Variants in FAM227B observed in about 807,000 individuals in gnomAD.
The protein encoded by FAM227B is protein FAM227B.
FAM227B carries 88 observed loss-of-function variants against 73.8 expected under a neutral mutation model. That is an observed-to-expected ratio of 1.19 (90% confidence interval 1.00 to 1.42). The LOEUF is 1.42. Among genes scored for constraint, FAM227B ranks in the 40% most tolerant of loss-of-function variants. The pLI is 0.00. For synonymous variants in FAM227B, 210 were observed against 190.5 expected (o/e 1.10, Z -0.84); for missense variants, 632 against 590.9 (o/e 1.07, Z -0.72).
At chr15:49,446,475 T>G (rs2052225600) in intron 11 of FAM227B, among the ~76,000 whole-genome samples, 1 of 151,688 alleles carries the variant, frequency 6.6e-6, no homozygotes, top group East Asian at 1.9e-4. Context: ...ATAAGGAGAC[T>G]GAAAGAGAAT....
chr15:49,616,813 T>C (rs757454483), intron 1 of FAM227B, among the ~76,000 whole-genome samples: 2 of 152,348 alleles, frequency 1.3e-5, no homozygotes, highest in East Asian at 3.9e-4. Context: ...AGTATTTTGA[T>C]ATAAATATTT....
intron 11 of FAM227B, among the ~76,000 whole-genome samples, chr15:49,469,666 G>A (rs1443823123): frequency 6.6e-6 from 1 of 152,072 alleles, no homozygotes; most frequent in Non-Finnish European, 1.5e-5. Context: ...CAGACAAAAA[G>A]TAGCCAAGGA....
intron 5 of FAM227B, among the ~76,000 whole-genome samples, chr15:49,585,630 G>A (rs2076106231): frequency 6.6e-6 from 1 of 152,014 alleles, no homozygotes; most frequent in African/African-American, 2.4e-5. Flanking sequence ...CTTATAGGTG[G>A]GAATTGAACA....
At chr15:49,408,903 C>G (rs1039159421) in intron 11 of FAM227B, among the ~76,000 whole-genome samples, 3 of 151,972 alleles carry the variant, frequency 2.0e-5, no homozygotes, top group Non-Finnish European at 4.4e-5. Context: ...GAGTCTGATA[C>G]ATAGTAGGAG....
At chr15:49,604,597 A>G (rs1328842796) in intron 3 of FAM227B, among the ~76,000 whole-genome samples, 1 of 151,828 alleles carries the variant, frequency 6.6e-6, no homozygotes, top group Non-Finnish European at 1.5e-5. Flanking sequence ...TGCTCTCTCA[A>G]TTTAGGAATA....
chr15:49,475,119 A>G (rs1432258254), intron 11 of FAM227B, among the ~76,000 whole-genome samples: 1 of 152,174 alleles, frequency 6.6e-6, no homozygotes, highest in East Asian at 1.9e-4. Context: ...GATCAGTTTG[A>G]TTAATTTTTT....
At chr15:49,398,427 TAGAC>T in intron 11 of FAM227B, among the ~76,000 whole-genome samples, 1 of 128,980 alleles carries the variant, frequency 7.8e-6, no homozygotes. Context: ...CTGTCAACAT[TAGAC>T]AGATCAACGA....
At chr15:49,602,998 G>A (rs981371953) in intron 3 of FAM227B, among the ~76,000 whole-genome samples, 1 of 152,080 alleles carries the variant, frequency 6.6e-6, no homozygotes, top group Non-Finnish European at 1.5e-5. Context: ...TTTGTTCCAT[G>A]GGTGTATATG....
chr15:49,358,696 C>G (rs988125871), intron 13 of FAM227B, among the ~76,000 whole-genome samples: 1 of 150,996 alleles, frequency 6.6e-6, no homozygotes, highest in Non-Finnish European at 1.5e-5. Flanking sequence ...CCATCCCCAT[C>G]AAGCTACCAA....
chr15:49,374,469 T>C (rs141620902), intron 11 of FAM227B, among the ~76,000 whole-genome samples: 1 of 152,316 alleles, frequency 6.6e-6, no homozygotes, highest in East Asian at 1.9e-4. Context: ...GCAAAATGTA[T>C]GTGATCTTAG....
chr15:49,423,951 T>C (rs1359734068), intron 11 of FAM227B: 1 of 214,902 alleles, frequency 4.7e-6, no homozygotes, highest in East Asian at 1.0e-4. Flanking sequence ...ATGCTACTAC[T>C]TACCCACTAA....
At chr15:49,554,355 G>C (rs767660955) in intron 9 of FAM227B, among the ~76,000 whole-genome samples, 8 of 152,140 alleles carry the variant, frequency 5.3e-5, no homozygotes, top group Non-Finnish European at 8.8e-5. Flanking sequence ...TCTGGACCTC[G>C]TTCAGTAATA....
chr15:49,500,836 G>A (rs7162351), intron 11 of FAM227B, among the ~76,000 whole-genome samples: 49,359 of 151,956 alleles, frequency 0.32, 8,748 homozygotes, highest in African/African-American at 0.45. Flanking sequence ...TCCCTTGGTG[G>A]TAAGTGAGCT....
chr15:49,461,789 G>T (rs1157841993), intron 11 of FAM227B, among the ~76,000 whole-genome samples: 1 of 152,088 alleles, frequency 6.6e-6, no homozygotes, highest in East Asian at 1.9e-4. Context: ...GCTAATTATG[G>T]TACTGATTTA....
At chr15:49,611,298 G>A in intron 2 of FAM227B, 30 bp from the exon 3 acceptor site, 2 of 1,260,970 alleles carry the variant, frequency 1.6e-6, no homozygotes, top group South Asian at 1.3e-5. Flanking sequence ...ATTGTTCATT[G>A]GCATAAACTC....
At chr15:49,577,264 T>C in intron 6 of FAM227B, 1 of 352,018 alleles carries the variant, frequency 2.8e-6, no homozygotes, top group East Asian at 9.6e-5. Context: ...GCCACTGCAC[T>C]CCAGCCTGGG....
At chr15:49,595,125 T>G (rs141707397) in intron 3 of FAM227B, among the ~76,000 whole-genome samples, 3 of 152,212 alleles carry the variant, frequency 2.0e-5, no homozygotes, top group East Asian at 3.9e-4. Context: ...GTTTATCTTG[T>G]AGAGGTCTTT....
At chr15:49,352,991 G>C (rs766003966) in intron 13 of FAM227B, among the ~76,000 whole-genome samples, 3 of 152,146 alleles carry the variant, frequency 2.0e-5, no homozygotes, top group African/African-American at 4.8e-5. Flanking sequence ...TCTTTTAGGG[G>C]ACTATGCACA....
intron 11 of FAM227B, among the ~76,000 whole-genome samples, chr15:49,462,977 TCAA>T (rs973102115): frequency 3.9e-5 from 6 of 152,332 alleles, no homozygotes; most frequent in Admixed American, 1.3e-4. Flanking sequence ...TCTCTAAATA[TCAA>T]CAATACTTTG....
Sources: gnomAD v4.1 joint callset for allele counts (sites outside exome capture counted in the v4.1 genomes callset) on GRCh38, gnomAD v4.1.1 for gene constraint, MANE v1.5 for transcripts, NCBI Gene and HGNC (gene_info 2026-07-23, HGNC 2026-07-21) for gene names.